CNTNAP2: variants seen among roughly 807,000 people sequenced by gnomAD.
CNTNAP2 encodes contactin associated protein 2, also known as contactin-associated protein-like 2.
In CNTNAP2, 98 loss-of-function variants were observed where a neutral mutation model predicts 155.2. That is an observed-to-expected ratio of 0.63 (90% CI 0.54 to 0.75). The LOEUF is 0.75. Ranked by LOEUF, CNTNAP2 falls within the 30% of genes least tolerant of loss-of-function variation. The pLI is 0.00. For synonymous variants in CNTNAP2, 651 were observed against 631.2 expected (o/e 1.03, Z -0.47); for missense variants, 1,727 against 1,688.1 (o/e 1.02, Z -0.40).
At chr7:147,432,951 G>A (rs1267659730) in intron 10 of CNTNAP2, among the ~76,000 whole-genome samples, 1 of 152,166 alleles carries the variant, frequency 6.6e-6, no homozygotes, top group Non-Finnish European at 1.5e-5. Flanking sequence ...ACACCCAATA[G>A]CCTTTAACAA....
intron 1 of CNTNAP2, among the ~76,000 whole-genome samples, chr7:146,754,165 A>G (rs1019844569): frequency 2.0e-5 from 3 of 151,932 alleles, no homozygotes; most frequent in Non-Finnish European, 2.9e-5. Context: ...CCACCCATGA[A>G]AGTTGCATTC....
intron 13 of CNTNAP2, among the ~76,000 whole-genome samples, chr7:147,836,661 T>A (rs77582635): frequency 0.011 from 1,677 of 152,358 alleles, 92 homozygotes; most frequent in Admixed American, 0.09. Context: ...CCTGCTGGAC[T>A]GTCACTCTCT....
chr7:146,925,312 T>A (rs535088769), intron 3 of CNTNAP2, among the ~76,000 whole-genome samples: 2 of 152,214 alleles, frequency 1.3e-5, no homozygotes, highest in Admixed American at 1.3e-4. Context: ...ATACATATTA[T>A]CAAAGTTAAA....
At chr7:147,103,686 G>C (rs1800699113) in intron 4 of CNTNAP2, among the ~76,000 whole-genome samples, 1 of 151,330 alleles carries the variant, frequency 6.6e-6, no homozygotes, top group African/African-American at 2.4e-5. Flanking sequence ...CTTTAATTTT[G>C]TTTCCTTTTT....
chr7:146,805,292 G>C (rs1182912737), intron 2 of CNTNAP2, among the ~76,000 whole-genome samples: 2 of 152,156 alleles, frequency 1.3e-5, no homozygotes, highest in Admixed American at 1.3e-4. Context: ...ATGAAACATG[G>C]AGAAATAGCT....
chr7:148,302,801 G>T, intron 21 of CNTNAP2, among the ~76,000 whole-genome samples: 1 of 144,224 alleles, frequency 6.9e-6, no homozygotes, highest in Non-Finnish European at 1.5e-5. Context: ...AAATTACTCA[G>T]TCTCGATTAT....
At chr7:147,458,362 C>T (rs150835175) in intron 10 of CNTNAP2, among the ~76,000 whole-genome samples, 1 of 152,006 alleles carries the variant, frequency 6.6e-6, no homozygotes, top group Admixed American at 6.6e-5. Flanking sequence ...AAATTGCAAG[C>T]TCTTGATGCA....
intron 11 of CNTNAP2, among the ~76,000 whole-genome samples, chr7:147,537,784 G>T (rs1041472085): frequency 2.6e-5 from 4 of 152,118 alleles, no homozygotes; most frequent in African/African-American, 9.7e-5. Flanking sequence ...TGTTATAAAG[G>T]TTTGTACTGA....
intron 18 of CNTNAP2, among the ~76,000 whole-genome samples, chr7:148,187,151 C>A (rs952248351): frequency 3.4e-5 from 5 of 145,212 alleles, no homozygotes; most frequent in African/African-American, 1.3e-4. Flanking sequence ...CACACACAAA[C>A]AGAGCCAGGT....
At position 148,270,451 on chromosome 7, in the gene CNTNAP2, T is replaced by C. The variant is rs1003221305; in HGVS notation, c.3475+3325T>C. On this transcript the variant is annotated intron_variant, in intron 21 of 23. Coordinates refer to ENST00000361727, the MANE Select transcript of CNTNAP2 (RefSeq NM_014141.6). Reference sequence around the variant, plus strand: ...GAGTAGTTAGGGCTCCAGCAATGGGTCCTTGGTGCACTGACTTCTAGTGGA... The same window carrying C: ...GAGTAGTTAGGGCTCCAGCAATGGGCCCTTGGTGCACTGACTTCTAGTGGA... 7.9e-5 allele frequency among the ~76,000 whole-genome samples: 12 copies of C among 152,150 alleles called. 1 individual carries two copies. The highest frequency in any genetic ancestry group is 1.8e-4 in the Non-Finnish European group (12 of 68,034).
chr7:146,992,489 C>G (rs990493108), intron 3 of CNTNAP2, among the ~76,000 whole-genome samples: 6 of 152,126 alleles, frequency 3.9e-5, no homozygotes, highest in Non-Finnish European at 8.8e-5. Flanking sequence ...AACAGGGACT[C>G]TCAGCAAAGC....
At chr7:146,163,717 CA>C in intron 1 of CNTNAP2, among the ~76,000 whole-genome samples, 1 of 148,774 alleles carries the variant, frequency 6.7e-6, no homozygotes, top group East Asian at 2.0e-4. Context: ...CACTGCACTC[CA>C]TACTGGGTAA....
chr7:146,283,051 T>G (rs919959626), intron 1 of CNTNAP2, among the ~76,000 whole-genome samples: 5 of 152,204 alleles, frequency 3.3e-5, no homozygotes, highest in African/African-American at 1.2e-4. Flanking sequence ...TGCCTGAAAT[T>G]ATTTAGATGG....
chr7:146,648,279 C>A (rs1799849071), intron 1 of CNTNAP2, among the ~76,000 whole-genome samples: 1 of 152,026 alleles, frequency 6.6e-6, no homozygotes. Flanking sequence ...ATTTTCCAAG[C>A]ATATAGGGGG....
intron 13 of CNTNAP2, among the ~76,000 whole-genome samples, chr7:147,651,300 G>C (rs904954444): frequency 1.3e-5 from 2 of 152,142 alleles, no homozygotes; most frequent in African/African-American, 4.8e-5. Context: ...CTATTCTTAA[G>C]GCCTTTCAAC....
Position 146,582,931 on chromosome 7 carries a change from C to T in CNTNAP2, c.98-191340C>T, listed in dbSNP as rs193176913. On this transcript the variant is annotated intron_variant, in intron 1 of 23. Transcript: ENST00000361727. Reference sequence around the variant, plus strand: ...ATTAAGTATAAATATTAAATATAGCCGTATTAATATATCTATAATATTTAA... The same window carrying T: ...ATTAAGTATAAATATTAAATATAGCTGTATTAATATATCTATAATATTTAA... Among the ~76,000 whole-genome samples the T allele has an allele frequency of 1.6e-3, 240 of 148,128 alleles. 1 individual carries two copies. The highest frequency in any genetic ancestry group is 3.6e-3 in the Middle Eastern group (1 of 278).
chr7:146,882,099 A>G (rs1795563835), intron 3 of CNTNAP2, among the ~76,000 whole-genome samples: 1 of 152,072 alleles, frequency 6.6e-6, no homozygotes, highest in South Asian at 2.1e-4. Flanking sequence ...TTAGCTTAGG[A>G]TAATGGCTTC....
At chr7:147,563,546 T>C (rs1479475331) in intron 12 of CNTNAP2, among the ~76,000 whole-genome samples, 2 of 151,986 alleles carry the variant, frequency 1.3e-5, no homozygotes, top group African/African-American at 4.8e-5. Flanking sequence ...GGAGAATCAC[T>C]TGATCCCTGG....
At chr7:147,108,913 CA>C (rs1208059870) in intron 5 of CNTNAP2, among the ~76,000 whole-genome samples, 2 of 152,010 alleles carry the variant, frequency 1.3e-5, no homozygotes, top group Non-Finnish European at 2.9e-5. Context: ...CATGGAAGAC[CA>C]AAAGCACGCT....
Sources: allele counts gnomAD v4.1 joint callset (sites outside exome capture counted in the v4.1 genomes callset), GRCh38; gene constraint gnomAD v4.1.1; transcripts MANE v1.5; gene names NCBI Gene and HGNC (gene_info 2026-07-23, HGNC 2026-07-21).